CSMD1: variants seen among roughly 807,000 people sequenced by gnomAD.
The protein encoded by CSMD1 is CUB and sushi domain-containing protein 1.
Under a neutral mutation model 417.5 loss-of-function variants are expected in CSMD1, and 213 were observed. The ratio of observed to expected loss-of-function variants is 0.51; its 90% confidence interval spans 0.46 to 0.57. The LOEUF (loss-of-function observed/expected upper bound fraction) is 0.57. CSMD1 is among the 20% of genes least tolerant of loss of function. The pLI, the probability that CSMD1 is intolerant of heterozygous loss-of-function variation, is 0.00. For synonymous variants in CSMD1, 2,862 were observed against 1,736.8 expected, an observed-to-expected ratio of 1.65 and a Z score of -16.11; for missense variants, 6,923 against 4,529.7, an observed-to-expected ratio of 1.53 and a Z score of -15.17.
At chr8:4,667,908 G>C (rs887931373) in intron 1 of CSMD1, among the ~76,000 whole-genome samples, 4 of 152,178 alleles carry the variant, frequency 2.6e-5, no homozygotes, top group African/African-American at 9.7e-5. Context: ...AGTGGTTAGA[G>C]TGGCCATCTT....
intron 4 of CSMD1, among the ~76,000 whole-genome samples, chr8:4,008,472 A>T (rs867046516): frequency 6.6e-5 from 10 of 151,964 alleles, no homozygotes; most frequent in Middle Eastern, 3.4e-3. Flanking sequence ...GCTATTTAAA[A>T]TTTCAGCTCT....
chr8:4,119,374 G>A (rs912369808), intron 3 of CSMD1, among the ~76,000 whole-genome samples: 11 of 152,146 alleles, frequency 7.2e-5, no homozygotes, highest in Non-Finnish European at 1.2e-4. Flanking sequence ...TTTTTAAAGA[G>A]GTTGATCTAC....
chr8:4,287,445 T>A (rs1261839245), intron 3 of CSMD1, among the ~76,000 whole-genome samples: 2 of 152,102 alleles, frequency 1.3e-5, no homozygotes, highest in African/African-American at 4.8e-5. Context: ...TTACGTCCAA[T>A]ATTGAGTAAT....
intron 4 of CSMD1, among the ~76,000 whole-genome samples, chr8:3,998,884 CAT>C (rs1263025623): frequency 3.9e-4 from 58 of 149,192 alleles, no homozygotes; most frequent in Non-Finnish European, 6.8e-4. Context: ...ATATATATAA[CAT>C]ATAATCTATA....
chr8:3,871,239 A>G (rs1805462738), intron 5 of CSMD1, among the ~76,000 whole-genome samples: 1 of 152,112 alleles, frequency 6.6e-6, no homozygotes, highest in African/African-American at 2.4e-5. Context: ...TAGAGAATAC[A>G]TATTTTAGCA....
At chr8:3,352,117 G>A (rs190748341) in intron 21 of CSMD1, among the ~76,000 whole-genome samples, 19 of 152,234 alleles carry the variant, frequency 1.2e-4, no homozygotes, top group Non-Finnish European at 2.2e-4. Context: ...CACCGCAGCC[G>A]TGTTGGCATC....
chr8:4,456,879 G>T (rs1401223317), intron 2 of CSMD1, among the ~76,000 whole-genome samples: 1 of 151,524 alleles, frequency 6.6e-6, no homozygotes. Flanking sequence ...GGCTTCAAAG[G>T]GAGAACACAC....
intron 3 of CSMD1, among the ~76,000 whole-genome samples, chr8:4,162,043 T>C (rs1318256730): frequency 6.6e-6 from 1 of 152,186 alleles, no homozygotes; most frequent in Non-Finnish European, 1.5e-5. Context: ...AACTAAGCAA[T>C]TTCCCTTAAT....
intron 5 of CSMD1, among the ~76,000 whole-genome samples, chr8:3,924,030 T>G (rs1308207502): frequency 6.6e-6 from 1 of 152,214 alleles, no homozygotes; most frequent in Non-Finnish European, 1.5e-5. Context: ...TAAGTGTCCT[T>G]TCATTTCAAT....
chr8:3,631,448 C>A (rs1156732121), intron 7 of CSMD1, among the ~76,000 whole-genome samples: 1 of 152,096 alleles, frequency 6.6e-6, no homozygotes, highest in Non-Finnish European at 1.5e-5. Context: ...ATTTTGAGGT[C>A]AAGAATAGGC....
intron 5 of CSMD1, among the ~76,000 whole-genome samples, chr8:3,996,357 C>T (rs1020873966): frequency 2.0e-5 from 3 of 152,126 alleles, no homozygotes; most frequent in Non-Finnish European, 4.4e-5. Flanking sequence ...AATTTTAAAA[C>T]TAGGAAGAGG....
At chr8:4,408,991 CTGATT>C (rs1389876267) in intron 3 of CSMD1, among the ~76,000 whole-genome samples, 1 of 152,160 alleles carries the variant, frequency 6.6e-6, no homozygotes, top group East Asian at 1.9e-4. Context: ...TCTTTGCCGA[CTGATT>C]TAAGAACTCT....
rs977287093 is a variant in CSMD1, at chr8:4,355,856, G to C, written c.415+64097C>G. 3.3e-5 allele frequency among the ~76,000 whole-genome samples: 5 copies of C among 152,240 alleles called. No homozygotes were observed. The East Asian group carries it at 5.8e-4, about 18-fold the overall frequency. ...CCAGGCCGAAAGTAGAGGAGCTTTG[G>C]AGGATGGGAACCAGGCCTTGCCATT... On this transcript the variant is annotated intron_variant, in intron 3 of 69. Transcript: ENST00000635120.
intron 3 of CSMD1, among the ~76,000 whole-genome samples, 177 bp downstream of exon 3, chr8:4,419,776 A>G (rs17070242): frequency 1.3e-5 from 2 of 152,102 alleles, no homozygotes; most frequent in Non-Finnish European, 2.9e-5. Flanking sequence ...TTTGGGCTGG[A>G]AAGTTTGGCG....
chr8:4,456,195 A>G (rs1428831465), intron 2 of CSMD1, among the ~76,000 whole-genome samples: 2 of 151,996 alleles, frequency 1.3e-5, no homozygotes, highest in East Asian at 1.9e-4. Flanking sequence ...AAACTTTATT[A>G]CAGGTTTTTA....
At chr8:3,571,197 C>T (rs773921855) in intron 10 of CSMD1, among the ~76,000 whole-genome samples, 1 of 152,156 alleles carries the variant, frequency 6.6e-6, no homozygotes, top group African/African-American at 2.4e-5. Flanking sequence ...CTTTCTTGGA[C>T]TATATTCTGC....
chr8:4,356,990 T>C (rs1230828708), intron 3 of CSMD1, among the ~76,000 whole-genome samples: 1 of 152,226 alleles, frequency 6.6e-6, no homozygotes, highest in Admixed American at 6.5e-5. Context: ...AATATGTGAA[T>C]ATATGAAGAT....
At position 4,131,619 on chromosome 8, in the gene CSMD1, G is replaced by C. The variant is rs563273624; in HGVS notation, c.416-99520C>G. On this transcript the variant is annotated intron_variant, in intron 3 of 69. Coordinates refer to ENST00000635120, the MANE Select transcript of CSMD1 (RefSeq NM_033225.6). ...ATGCTTAGTTTTACACTTGAGAATA[G>C]GTACAGCTTCTTGACTAGTTCTCAA... Among the ~76,000 whole-genome samples, 10 of 152,118 alleles carry C rather than the reference G, an allele frequency of 6.6e-5. No homozygotes were observed. In the South Asian group the frequency reaches 1.5e-3, roughly 22 times the overall value.
chr8:4,679,555 G>A (rs139977346), intron 1 of CSMD1, among the ~76,000 whole-genome samples: 59 of 152,254 alleles, frequency 3.9e-4, no homozygotes, highest in African/African-American at 1.3e-3. Context: ...GAGGAGCACA[G>A]ATAATTTTTT....
Sources: gnomAD v4.1 joint callset for allele counts (sites outside exome capture counted in the v4.1 genomes callset) on GRCh38, gnomAD v4.1.1 for gene constraint, MANE v1.5 for transcripts, NCBI Gene and HGNC (gene_info 2026-07-23, HGNC 2026-07-21) for gene names.